The following NFIB variants were observed in gnomAD, a reference collection of about 807,000 sequenced individuals.
NFIB encodes nuclear factor I B.
In NFIB, 11 loss-of-function variants were observed where a neutral mutation model predicts 61.5. The ratio of observed to expected loss-of-function variants is 0.18; its 90% CI spans 0.11 to 0.30. NFIB has a LOEUF of 0.30. Among genes scored for constraint, NFIB ranks in the 10% least tolerant of loss-of-function variants. The probability of loss-of-function intolerance (pLI) is 1.00; values close to 1 mark genes in which losing one functional copy is unlikely to be tolerated. For missense variants in NFIB, 471 were observed against 608.9 expected, an observed-to-expected ratio of 0.77 and a Z score of 2.38; for synonymous variants, 260 against 216.5, an observed-to-expected ratio of 1.20 and a Z score of -1.76.
chr9:14,212,412 A>G (rs1403265884), intron 2 of NFIB, among the ~76,000 whole-genome samples: 2 of 152,226 alleles, frequency 1.3e-5, no homozygotes, highest in Non-Finnish European at 2.9e-5. Flanking sequence ...GCAACATTAA[A>G]CATACTAAAG....
chr9:14,513,745 T>A, the NFIB span, among the ~76,000 whole-genome samples: 126,570 of 151,978 alleles, frequency 0.83, 52,892 homozygotes, highest in Admixed American at 0.9. Flanking sequence ...TTGATATTGA[T>A]TACAGCATGC....
the NFIB span, among the ~76,000 whole-genome samples, chr9:14,406,262 A>T: frequency 6.6e-6 from 1 of 152,328 alleles, no homozygotes; most frequent in East Asian, 1.9e-4. Flanking sequence ...CCCCAGTAAA[A>T]TATGACACCT....
At chr9:14,417,761 G>C in the NFIB span, among the ~76,000 whole-genome samples, 8 of 150,148 alleles carry the variant, frequency 5.3e-5, no homozygotes, top group African/African-American at 1.7e-4. Context: ...TCTTGAGTTA[G>C]GGCCTAGGAA....
chr9:14,156,719 C>T (rs1231990937), intron 3 of NFIB, among the ~76,000 whole-genome samples: 1 of 152,092 alleles, frequency 6.6e-6, no homozygotes, highest in Non-Finnish European at 1.5e-5. Context: ...CCCAGCCCAC[C>T]CCATTCTCAT....
At chr9:14,170,540 G>T (rs1195756979) in intron 3 of NFIB, among the ~76,000 whole-genome samples, 1 of 152,122 alleles carries the variant, frequency 6.6e-6, no homozygotes, top group Non-Finnish European at 1.5e-5. Context: ...TACTTGAGAG[G>T]CTTGAGGTGG....
intron 2 of NFIB, among the ~76,000 whole-genome samples, chr9:14,291,398 T>C (rs1047589189): frequency 2.6e-5 from 4 of 152,048 alleles, no homozygotes; most frequent in Non-Finnish European, 4.4e-5. Flanking sequence ...TTCAGGAGAA[T>C]TGTTTGAACC....
chr9:14,432,427 G>A, the NFIB span, among the ~76,000 whole-genome samples: 1 of 152,228 alleles, frequency 6.6e-6, no homozygotes, highest in Non-Finnish European at 1.5e-5. Flanking sequence ...CTCTAAATCA[G>A]TACATGTTGT....
At chr9:14,348,383 A>C (rs1346402619) in intron 1 of NFIB, among the ~76,000 whole-genome samples, 1 of 151,452 alleles carries the variant, frequency 6.6e-6, no homozygotes. Flanking sequence ...TACAGCCTGA[A>C]GCAGCTTATT....
At chr9:14,314,246 C>T (rs1028291346), upstream of NFIB, 2 of 758,236 alleles carry the variant, frequency 2.6e-6, no homozygotes, top group Admixed American at 6.2e-5. Flanking sequence ...GCGCTGATCT[C>T]TGGGGCGGAA....
chr9:14,499,158 A>G, the NFIB span, among the ~76,000 whole-genome samples: 4 of 152,126 alleles, frequency 2.6e-5, no homozygotes, highest in African/African-American at 9.7e-5. Flanking sequence ...CATTTATGCC[A>G]GCAAATATAT....
intron 2 of NFIB, among the ~76,000 whole-genome samples, chr9:14,272,119 A>G (rs1310787986): frequency 6.6e-6 from 1 of 152,168 alleles, no homozygotes; most frequent in East Asian, 1.9e-4. Flanking sequence ...CATTTTGCTA[A>G]TATTTCATAC....
intron 2 of NFIB, among the ~76,000 whole-genome samples, chr9:14,280,411 C>T (rs2058293360): frequency 6.6e-6 from 1 of 152,122 alleles, no homozygotes; most frequent in Non-Finnish European, 1.5e-5. Context: ...CCCTTCAAGC[C>T]TTTACTTAAA....
chr9:14,366,781 G>C (rs1028710181), intron 1 of NFIB, among the ~76,000 whole-genome samples: 2 of 152,124 alleles, frequency 1.3e-5, no homozygotes, highest in African/African-American at 4.8e-5. Flanking sequence ...ACCGTGCCTG[G>C]ATGAATTTTA....
intron 10 of NFIB, among the ~76,000 whole-genome samples, chr9:14,103,736 C>T (rs558296473): frequency 2.0e-5 from 3 of 151,920 alleles, no homozygotes; most frequent in South Asian, 2.1e-4. Context: ...TTCCAAACCA[C>T]GTGTTTTAGT....
In NFIB at chr9:14,313,831, ATTTG is replaced by A; in HGVS notation, c.-324_-321del. ...GGCTGCTTTTCGCCTGGGTTTGGGG[ATTTG>A]TTTTCTATTTTGCAGTTGTTGTTGT... On this transcript the variant is annotated 5_prime_UTR_variant, in exon 1 of 11. Coordinates refer to ENST00000380953, the MANE Select transcript of NFIB (RefSeq NM_001190737.2). This position sits in a 1 kb window ranked among gnomAD's most constrained non-coding sequence, Gnocchi z 4.5. 7.8e-7 allele frequency: 1 copy of A among 1,274,878 alleles called. No individual in the cohort carries two copies. The highest frequency in any genetic ancestry group is 9.9e-7 in the Non-Finnish European group (1 of 1,007,304). The allele number at this position is 1,274,878 out of a possible 1,614,324, so 79.0% of individuals were successfully genotyped here.
chr9:14,223,229 A>G (rs186689693), intron 2 of NFIB, among the ~76,000 whole-genome samples: 25 of 152,230 alleles, frequency 1.6e-4, no homozygotes, highest in Non-Finnish European at 3.2e-4. Context: ...CTTAGATGAT[A>G]GAGCAGGGAC....
intron 6 of NFIB, among the ~76,000 whole-genome samples, chr9:14,131,906 T>G (rs965819506): frequency 2.6e-5 from 4 of 152,138 alleles, no homozygotes; most frequent in African/African-American, 9.7e-5. Context: ...CCTTAACACC[T>G]GCCTGTCTGG....
At chr9:14,161,676 T>G (rs1365586076) in intron 3 of NFIB, among the ~76,000 whole-genome samples, 4 of 152,140 alleles carry the variant, frequency 2.6e-5, no homozygotes, top group African/African-American at 9.7e-5. Context: ...TTCCATTGTT[T>G]GGCATTTTAG....
intron 2 of NFIB, among the ~76,000 whole-genome samples, chr9:14,209,197 G>A (rs2050059581): frequency 1.3e-5 from 2 of 152,102 alleles, no homozygotes; most frequent in Admixed American, 6.5e-5. Flanking sequence ...TCATTTTTAT[G>A]ACATGCTTAT....
Sources: gnomAD v4.1 joint callset for allele counts (sites outside exome capture counted in the v4.1 genomes callset) on GRCh38, gnomAD v4.1.1 for gene constraint, Gnocchi (gnomAD v3.1) non-coding constraint, MANE v1.5 for transcripts, NCBI Gene and HGNC (gene_info 2026-07-23, HGNC 2026-07-21) for gene names.